POFUT3: variants seen among roughly 807,000 people sequenced by gnomAD.
POFUT3 encodes the protein GDP-fucose protein O-fucosyltransferase 3.
the POFUT3 span, among the ~76,000 whole-genome samples, chr8:33,318,962 A>C: frequency 2.3e-5 from 1 of 44,360 alleles, no homozygotes; most frequent in Non-Finnish European, 3.3e-5. Context: ...ATACATAAAT[A>C]TATTTTACAT....
the POFUT3 span, among the ~76,000 whole-genome samples, chr8:33,335,718 T>A: frequency 1.3e-5 from 2 of 152,198 alleles, no homozygotes; most frequent in Non-Finnish European, 2.9e-5. Flanking sequence ...ACATATTTTG[T>A]ATGTTACATG....
chr8:33,468,939 G>C, the POFUT3 span, among the ~76,000 whole-genome samples: 1 of 152,150 alleles, frequency 6.6e-6, no homozygotes, highest in African/African-American at 2.4e-5. Context: ...TAAGCTAGAG[G>C]TAATACCACG....
the POFUT3 span, among the ~76,000 whole-genome samples, chr8:33,449,278 ATTTTTTTTTTT>A: frequency 3.7e-5 from 2 of 53,762 alleles, no homozygotes; most frequent in South Asian, 1.3e-3. Flanking sequence ...ATCCGAGTTG[ATTTTTTTTTTT>A]TTTTTTTTTT....
chr8:33,334,874 A>ATG, the POFUT3 span, among the ~76,000 whole-genome samples: 1 of 152,202 alleles, frequency 6.6e-6, no homozygotes, highest in Admixed American at 6.5e-5. Context: ...TCTGGGAGGC[A>ATG]TAAGGTGAGA....
the POFUT3 span, among the ~76,000 whole-genome samples, chr8:33,316,791 A>G: frequency 6.6e-6 from 1 of 151,738 alleles, no homozygotes; most frequent in African/African-American, 2.4e-5. Flanking sequence ...GTGTCTGTGA[A>G]TGTGAGGCAA....
At chr8:33,384,439 T>C in the POFUT3 span, among the ~76,000 whole-genome samples, 65 of 152,334 alleles carry the variant, frequency 4.3e-4, no homozygotes, top group African/African-American at 1.5e-3. Context: ...TAGTCCTTGC[T>C]GAAATTGACA....
chr8:33,461,743 C>A, the POFUT3 span: 2 of 1,092,100 alleles, frequency 1.8e-6, no homozygotes, highest in African/African-American at 1.6e-5. Context: ...AAAAGATCAT[C>A]TTTTAGCCAT....
At chr8:33,467,092 C>A in the POFUT3 span, among the ~76,000 whole-genome samples, 2 of 150,718 alleles carry the variant, frequency 1.3e-5, no homozygotes, top group South Asian at 2.1e-4. Context: ...GGCTACAGAG[C>A]GAGACTCTGT....
chr8:33,313,181 A>C, the POFUT3 span, among the ~76,000 whole-genome samples: 1 of 152,322 alleles, frequency 6.6e-6, no homozygotes, highest in East Asian at 1.9e-4. Context: ...AAAATTAAGT[A>C]GGGAGATTAG....
chr8:33,359,498 C>A, the POFUT3 span, among the ~76,000 whole-genome samples: 27 of 152,182 alleles, frequency 1.8e-4, no homozygotes, highest in East Asian at 3.9e-3. Flanking sequence ...CTTAAATCAC[C>A]ATATGTAAAG....
At chr8:33,417,509 G>A in the POFUT3 span, among the ~76,000 whole-genome samples, 199 of 152,226 alleles carry the variant, frequency 1.3e-3, 1 homozygote, top group Non-Finnish European at 2.1e-3. Flanking sequence ...CCACTCAGCG[G>A]AGCAAATCAA....
the POFUT3 span, chr8:33,370,931 C>T: frequency 2.2e-4 from 33 of 152,268 alleles, no homozygotes; most frequent in South Asian, 4.4e-3. Flanking sequence ...TCCCTTTCAT[C>T]CTCAATACTA....
chr8:33,365,875 T>C, the POFUT3 span, among the ~76,000 whole-genome samples: 1 of 152,170 alleles, frequency 6.6e-6, no homozygotes, highest in Non-Finnish European at 1.5e-5. Flanking sequence ...AGAACTAGAA[T>C]TGCCATTTGA....
the POFUT3 span, among the ~76,000 whole-genome samples, chr8:33,414,996 T>G: frequency 6.7e-6 from 1 of 148,508 alleles, no homozygotes; most frequent in African/African-American, 2.5e-5. Flanking sequence ...GCGCGGTGGC[T>G]CACGTCTGTA....
chr8:33,436,271 C>T, the POFUT3 span: 1 of 1,359,420 alleles, frequency 7.4e-7, no homozygotes, highest in Non-Finnish European at 1.0e-6. Flanking sequence ...AATTTCAGCC[C>T]ACACACATCC....
At chr8:33,391,882 G>A in the POFUT3 span, among the ~76,000 whole-genome samples, 1 of 152,170 alleles carries the variant, frequency 6.6e-6, no homozygotes, top group Admixed American at 6.5e-5. Flanking sequence ...CTACCTGCTA[G>A]GTGGCACATG....
chr8:33,436,282 C>A, the POFUT3 span: 1 of 1,350,136 alleles, frequency 7.4e-7, no homozygotes, highest in East Asian at 2.4e-5. Flanking sequence ...ACACACATCC[C>A]ACTGTGAAAC....
chr8:33,429,529 A>G, the POFUT3 span, among the ~76,000 whole-genome samples: 1 of 152,172 alleles, frequency 6.6e-6, no homozygotes, highest in Non-Finnish European at 1.5e-5. Context: ...TATTACAAAG[A>G]AGATATGTAC....
chr8:33,308,450 G>T, the POFUT3 span, among the ~76,000 whole-genome samples: 1 of 152,122 alleles, frequency 6.6e-6, no homozygotes, highest in East Asian at 1.9e-4. Flanking sequence ...GAGGTGTTTG[G>T]ACTAGAGTCT....
Sources: allele counts gnomAD v4.1 joint callset (sites outside exome capture counted in the v4.1 genomes callset), GRCh38; gene constraint gnomAD v4.1.1; transcripts MANE v1.5; gene names NCBI Gene and HGNC (gene_info 2026-07-23, HGNC 2026-07-21).